Variants in TULP1 observed in about 807,000 individuals in gnomAD.
The protein encoded by TULP1 is TUB like protein 1.
In TULP1, 50 loss-of-function variants were observed where a neutral mutation model predicts 67.1. The ratio of observed to expected loss-of-function variants is 0.75; its 90% CI spans 0.59 to 0.94. The LOEUF (loss-of-function observed/expected upper bound fraction) is 0.94. TULP1 is among the 40% of genes least tolerant of loss of function. The pLI is 0.00. For missense variants in TULP1, 746 were observed against 734.1 expected (o/e 1.02, Z -0.19); for synonymous variants, 297 against 294.0 (o/e 1.01, Z -0.11).
chr6:35,511,241 G>A (rs769475198), intron 4 of TULP1, among the ~76,000 whole-genome samples: 1 of 152,036 alleles, frequency 6.6e-6, no homozygotes, highest in South Asian at 2.1e-4. Flanking sequence ...CTGTCCTGGG[G>A]AAATGCCCTC....
chr6:35,507,203 CAAAAAAAA>C (rs869194937), intron 8 of TULP1, among the ~76,000 whole-genome samples: 1 of 72,000 alleles, frequency 1.4e-5, no homozygotes, highest in East Asian at 4.2e-4. Context: ...AACACTCAAG[CAAAAAAAA>C]AAAAAAAAAA....
Position 35,512,632 on chromosome 6 carries a change from G to T in TULP1, c.99+7C>A. 2 of 1,613,984 alleles carry T rather than the reference G, an allele frequency of 1.2e-6. No homozygotes were observed. Among genetic ancestry groups the T allele is most frequent in the Non-Finnish European group, 1.7e-6 (2 of 1,179,976 alleles). On this transcript the variant is annotated splice_region_variant and intron_variant, in intron 2 of 14. Transcript: ENST00000229771. ...TTTCTGCTTCCTTTCCAAGTGGGGT[G>T]GCATACCTGTTTGGGGCGCCGCGGG...
At chr6:35,505,908 G>C (rs1761071313) in intron 10 of TULP1, 55 bp from the exon 11 acceptor site, 2 of 1,614,074 alleles carry the variant, frequency 1.2e-6, no homozygotes, top group Non-Finnish European at 8.5e-7. Flanking sequence ...GGAAGGGGTG[G>C]AGGTGAGCTG....
chr6:35,505,621 G>C (rs1314416146), intron 11 of TULP1, 120 bp downstream of exon 11: 1 of 1,549,672 alleles, frequency 6.5e-7, no homozygotes, highest in African/African-American at 1.4e-5. Flanking sequence ...CCCTAGGCTA[G>C]GGGACGTTTC....
rs778863668 is a variant in TULP1 at position 35,503,466 on chromosome 6, G to T, written c.1323+93C>A. 10 of 1,259,988 alleles carry T rather than the reference G, an allele frequency of 7.9e-6. No individual in the cohort carries two copies. The South Asian group carries it at 1.3e-4, about 16-fold the overall frequency. The allele number at this position is 1,259,988 out of a possible 1,614,324, so 78.1% of individuals were successfully genotyped here. On this transcript the variant is annotated intron_variant, in intron 13 of 14. Coordinates refer to ENST00000229771, the MANE Select transcript of TULP1 (RefSeq NM_003322.6). This position sits in a 1 kb window ranked among gnomAD's most constrained non-coding sequence, Gnocchi z 4.0. ...GAATGAATTTGTGTTGGAGGGTGAT[G>T]GATGTGCTCAGGGAGTTGGCTATTT...
chr6:35,503,350 T>C lies in TULP1; in HGVS notation c.1323+209A>G. ...TATGAATGGATGTAATATATGAATT[T>C]GATGTAAACTCCAAAAACAACCAAA... On this transcript the variant is annotated intron_variant, in intron 13 of 14. Transcript: ENST00000229771. This position sits in a 1 kb window ranked among gnomAD's most constrained non-coding sequence, Gnocchi z 4.0. The C allele has an allele frequency of 1.7e-6, 1 of 595,194 alleles. No individual in the cohort carries two copies. The allele number at this position is 595,194 out of a possible 1,614,324, so 36.9% of individuals were successfully genotyped here.
rs761418157 is a variant in TULP1 at position 35,500,171 on chromosome 6, G to A, written c.1324-19C>T. 6.2e-7 allele frequency: 1 copy of A among 1,613,538 alleles called. No homozygotes were observed. The highest frequency in any genetic ancestry group is 8.5e-7 in the Non-Finnish European group (1 of 1,180,018). The stretch of plus-strand genomic sequence containing the variant: ...CACTAGCCTGGGGTGCCCCAGGGGA[G>A]TAGACAGGGAGAGGACAGTTAGAGA... On this transcript the variant is annotated intron_variant, in intron 13 of 14. Transcript: ENST00000229771.
chr6:35,509,388 C>G, intron 7 of TULP1, 76 bp from the exon 8 acceptor site: 1 of 1,380,082 alleles, frequency 7.2e-7, no homozygotes, highest in Non-Finnish European at 1.0e-6. Flanking sequence ...CCATGTCTCA[C>G]TTGGATGCTC....
At chr6:35,504,104 C>G (rs959723945) in intron 11 of TULP1, 1 of 442,538 alleles carries the variant, frequency 2.3e-6, no homozygotes, top group African/African-American at 2.0e-5. Flanking sequence ...TCGCTTGAGT[C>G]CAGGAGTTGG....
chr6:35,497,894 A>C lies in TULP1; in HGVS notation c.*433T>G. On this transcript the variant is annotated 3_prime_UTR_variant, in exon 15 of 15. Coordinates refer to ENST00000229771, the MANE Select transcript of TULP1 (RefSeq NM_003322.6). The stretch of plus-strand genomic sequence containing the variant: ...TCCGCTTGGCCAAGGACGCGGCTTT[A>C]TTGGGGATGTGGGTGCCTGGCCCTC... The C allele has an allele frequency of 4.7e-6, 1 of 211,048 alleles. No homozygotes were observed. The allele number at this position is 211,048 out of a possible 1,614,324, so 13.1% of individuals were successfully genotyped here.
In TULP1 at chr6:35,504,074, G is replaced by A. The variant is rs1034153039; in HGVS notation, c.1113-226C>T. 12 of 511,956 alleles carry A rather than the reference G, an allele frequency of 2.3e-5. No homozygotes were observed. In the East Asian group the frequency reaches 2.4e-4, roughly 10 times the overall value. 31.7% of individuals were successfully genotyped at this position (511,956 alleles called of 1,614,324 possible). A position where few individuals can be genotyped will look rare whatever the true frequency, so the allele number is the denominator to read the frequency against. On this transcript the variant is annotated intron_variant, in intron 11 of 14. Transcript: ENST00000229771. The stretch of plus-strand genomic sequence containing the variant: ...CTCAAGCTTGTAATCCCAGCACTTT[G>A]GGAGTCAGAGGAGGGAGGATCGCTT...
chr6:35,498,297 G>A lies in TULP1; in HGVS notation c.*30C>T. 6.2e-7 allele frequency: 1 copy of A among 1,610,276 alleles called. No homozygotes were observed. Among genetic ancestry groups the A allele is most frequent in the Non-Finnish European group, 8.5e-7 (1 of 1,179,158 alleles). On this transcript the variant is annotated 3_prime_UTR_variant, in exon 15 of 15. Transcript: ENST00000229771. This position sits in a 1 kb window ranked among gnomAD's most constrained non-coding sequence, Gnocchi z 6.7. ...CTGAATCCTTTCCCCCACGCTGACG[G>A]GCTCTGGGGGCGCTGAGGGGCTGCT...
chr6:35,509,152 G>T, intron 8 of TULP1, 57 bp downstream of exon 8: 1 of 1,512,862 alleles, frequency 6.6e-7, no homozygotes, highest in Non-Finnish European at 9.2e-7. Context: ...CCCAAGTCCA[G>T]GCCCCTGCCT....
chr6:35,499,936 T>A, intron 14 of TULP1, 45 bp downstream of exon 14: 1 of 1,610,352 alleles, frequency 6.2e-7, no homozygotes, highest in Non-Finnish European at 8.5e-7. Context: ...GTCAGCATCC[T>A]GGGGGTGGTG....
intron 13 of TULP1, among the ~76,000 whole-genome samples, chr6:35,502,869 G>A (rs1346634413): frequency 6.6e-6 from 1 of 152,092 alleles, no homozygotes; most frequent in East Asian, 1.9e-4. Flanking sequence ...CACGATTATT[G>A]TCTACTGTCA....
chr6:35,499,241 C>G (rs937041787), intron 14 of TULP1, among the ~76,000 whole-genome samples: 4 of 152,192 alleles, frequency 2.6e-5, no homozygotes, highest in African/African-American at 9.7e-5. Flanking sequence ...CAGGGTAGTC[C>G]TTTGACCTCA....
chr6:35,503,563 CG>C lies in TULP1; in HGVS notation c.1318del (p.Arg440GlufsTer20). 6.4e-7 allele frequency: 1 copy of C among 1,569,350 alleles called. No individual in the cohort carries two copies. Among genetic ancestry groups the C allele is most frequent in the Non-Finnish European group, 8.6e-7 (1 of 1,157,168 alleles). ...AENERVPIRP[R>X]NASDGLLVRW... ...CCAGGGAGGTGCGGGGCTCACATTT[CG>C]GGGCCGGATGGGGACCCTCTCGTTC... On this transcript the variant is annotated frameshift_variant, in exon 13 of 15. Transcript: ENST00000229771. LOFTEE classifies it high-confidence loss of function. The surrounding 1 kb of genome is among the most constrained non-coding windows in gnomAD (Gnocchi z 4.0).
intron 8 of TULP1, among the ~76,000 whole-genome samples, chr6:35,506,570 T>C (rs1287026361): frequency 6.6e-6 from 1 of 152,250 alleles, no homozygotes; most frequent in African/African-American, 2.4e-5. Flanking sequence ...TAGGGGTGGA[T>C]ACCTGGGACA....
chr6:35,503,718 G>A lies in TULP1; in HGVS notation c.1224+19C>T, dbSNP rs1761020837. ...TGTAAGGGGAGCAGCCTGGCATGGG[G>A]GACAGGTGGAGTCCTCACATAGATC... On this transcript the variant is annotated intron_variant, in intron 12 of 14. Transcript: ENST00000229771. This position sits in a 1 kb window ranked among gnomAD's most constrained non-coding sequence, Gnocchi z 4.0. 1 of 1,608,874 alleles carries A rather than the reference G, an allele frequency of 6.2e-7. No individual in the cohort carries two copies. The highest frequency in any genetic ancestry group is 1.1e-5 in the South Asian group (1 of 90,018).
Sources: allele counts gnomAD v4.1 joint callset (sites outside exome capture counted in the v4.1 genomes callset), GRCh38; gene constraint gnomAD v4.1.1; non-coding constraint Gnocchi (gnomAD v3.1); transcripts MANE v1.5; gene names NCBI Gene and HGNC (gene_info 2026-07-23, HGNC 2026-07-21).